The following KCND2 variants were observed in gnomAD, a reference collection of about 807,000 sequenced individuals.
The protein encoded by KCND2 is A-type voltage-gated potassium channel KCND2.
KCND2 carries 16 observed loss-of-function variants against 54.4 expected under a neutral mutation model. The ratio of observed to expected loss-of-function variants is 0.29; its 90% CI spans 0.20 to 0.45. The LOEUF (loss-of-function observed/expected upper bound fraction) is 0.45. Ranked by LOEUF, KCND2 falls within the 20% of genes least tolerant of loss-of-function variation. The pLI, the probability that KCND2 is intolerant of heterozygous loss-of-function variation, is 1.00. For synonymous variants in KCND2, 317 were observed against 310.7 expected (o/e 1.02, Z -0.21); for missense variants, 486 against 824.2 (o/e 0.59, Z 5.02).
chr7:120,602,137 T>C (rs1169267925), intron 1 of KCND2, among the ~76,000 whole-genome samples: 2 of 152,180 alleles, frequency 1.3e-5, no homozygotes, highest in Non-Finnish European at 2.9e-5. Context: ...CAGATGTAAA[T>C]AGTAAAGTCA....
intron 1 of KCND2, among the ~76,000 whole-genome samples, chr7:120,351,244 G>GTATATATATATATATATATATATA (rs3067025): frequency 4.4e-5 from 6 of 137,350 alleles, no homozygotes; most frequent in African/African-American, 1.4e-4. Context: ...TTATATGTGT[G>GTATATATATATATATATATATATA]TATATATATA....
intron 1 of KCND2, among the ~76,000 whole-genome samples, chr7:120,577,940 C>T (rs1325210907): frequency 1.3e-5 from 2 of 152,048 alleles, no homozygotes; most frequent in Non-Finnish European, 2.9e-5. Flanking sequence ...GCAGTTCACA[C>T]CTGTAATCCT....
intron 1 of KCND2, among the ~76,000 whole-genome samples, chr7:120,668,714 A>G (rs953401388): frequency 2.0e-5 from 3 of 152,080 alleles, no homozygotes; most frequent in Non-Finnish European, 4.4e-5. Context: ...ATTATTAAGA[A>G]GAAATATAAG....
chr7:120,465,471 A>G (rs1344762462), intron 1 of KCND2, among the ~76,000 whole-genome samples: 1 of 152,114 alleles, frequency 6.6e-6, no homozygotes, highest in Non-Finnish European at 1.5e-5. Context: ...AATATTTGTC[A>G]AGTAACTAGA....
At chr7:120,705,463 A>G (rs1282906329) in intron 1 of KCND2, among the ~76,000 whole-genome samples, 1 of 152,172 alleles carries the variant, frequency 6.6e-6, no homozygotes, top group Non-Finnish European at 1.5e-5. Context: ...CTTTCCAGTT[A>G]TGTGACCTTT....
At chr7:120,639,258 T>C (rs1209804331) in intron 1 of KCND2, among the ~76,000 whole-genome samples, 3 of 152,172 alleles carry the variant, frequency 2.0e-5, no homozygotes, top group African/African-American at 7.2e-5. Flanking sequence ...TGAAAAAGAA[T>C]ACCTCTGAAA....
intron 1 of KCND2, among the ~76,000 whole-genome samples, chr7:120,466,732 A>C (rs1386954889): frequency 6.6e-6 from 1 of 152,150 alleles, no homozygotes; most frequent in African/African-American, 2.4e-5. Flanking sequence ...TTAGTGCTTA[A>C]AACACAAATT....
chr7:120,519,474 T>C (rs802362), intron 1 of KCND2, among the ~76,000 whole-genome samples: 10,088 of 152,200 alleles, frequency 0.066, 879 homozygotes, highest in East Asian at 0.45. Context: ...ACAACCTGTC[T>C]GAGCTTGGGA....
At chr7:120,593,685 G>A (rs984816864) in intron 1 of KCND2, among the ~76,000 whole-genome samples, 8 of 151,906 alleles carry the variant, frequency 5.3e-5, no homozygotes, top group African/African-American at 1.9e-4. Flanking sequence ...ATATATAAAC[G>A]ACCATGCATA....
At chr7:120,351,451 A>G (rs1459161697) in intron 1 of KCND2, among the ~76,000 whole-genome samples, 1 of 149,214 alleles carries the variant, frequency 6.7e-6, no homozygotes, top group Non-Finnish European at 1.5e-5. Context: ...GCAAGGTTAT[A>G]ATCATTACAG....
intron 1 of KCND2, among the ~76,000 whole-genome samples, chr7:120,385,289 G>A (rs1362886717): frequency 6.6e-6 from 1 of 151,636 alleles, no homozygotes; most frequent in Non-Finnish European, 1.5e-5. Flanking sequence ...CACCATGCCC[G>A]GCCCATTTGT....
At chr7:120,478,310 G>A (rs1047394164) in intron 1 of KCND2, among the ~76,000 whole-genome samples, 7 of 151,840 alleles carry the variant, frequency 4.6e-5, no homozygotes, top group Non-Finnish European at 7.4e-5. Context: ...GTCCTTTATC[G>A]CCCATAAATT....
At chr7:120,668,344 G>C (rs1014988406) in intron 1 of KCND2, among the ~76,000 whole-genome samples, 1 of 152,124 alleles carries the variant, frequency 6.6e-6, no homozygotes, top group African/African-American at 2.4e-5. Context: ...ATTTCACTAA[G>C]TCGTGAGCTG....
Position 120,273,996 on chromosome 7 carries a change from C to T in KCND2, c.-637C>T, listed in dbSNP as rs565742370. The T allele has an allele frequency of 5.1e-4, 79 of 155,914 alleles. 2 individuals are homozygous for T. In the South Asian group the frequency reaches 5.7e-3, roughly 11 times the overall value. 9.7% of individuals were successfully genotyped at this position (155,914 alleles called of 1,614,324 possible). On this transcript the variant is annotated 5_prime_UTR_variant, in exon 1 of 6. Transcript: ENST00000331113. ...CCCCCACCGTAACCACTGCACATCA[C>T]CTCCATCTCTGCAAATACAGCCCGA...
intron 1 of KCND2, among the ~76,000 whole-genome samples, chr7:120,659,007 T>G (rs1294819833): frequency 6.6e-6 from 1 of 152,186 alleles, no homozygotes; most frequent in Non-Finnish European, 1.5e-5. Context: ...CTTCCTAACT[T>G]TATACATAAC....
intron 1 of KCND2, among the ~76,000 whole-genome samples, chr7:120,330,716 A>G (rs1034608605): frequency 6.6e-6 from 1 of 152,034 alleles, no homozygotes; most frequent in Non-Finnish European, 1.5e-5. Flanking sequence ...CCATTAGTCT[A>G]TCAAAGGCAA....
chr7:120,463,940 T>C, intron 1 of KCND2: 6 of 386,896 alleles, frequency 1.6e-5, no homozygotes, highest in Non-Finnish European at 2.1e-5. Context: ...GATAGATAGA[T>C]AGATCGACAG....
At chr7:120,724,031 A>T (rs1792701467) in intron 1 of KCND2, among the ~76,000 whole-genome samples, 1 of 152,184 alleles carries the variant, frequency 6.6e-6, no homozygotes, top group Non-Finnish European at 1.5e-5. Context: ...GTTCAGGAAA[A>T]AAAGAGGAAG....
At chr7:120,384,998 C>CTTTTTTTT (rs372225817) in intron 1 of KCND2, among the ~76,000 whole-genome samples, 19 of 82,526 alleles carry the variant, frequency 2.3e-4, no homozygotes, top group Non-Finnish European at 3.4e-4. Flanking sequence ...TTGTATATAA[C>CTTTTTTTT]TTTTTTTTTT....
Sources: allele counts gnomAD v4.1 joint callset (sites outside exome capture counted in the v4.1 genomes callset), GRCh38; gene constraint gnomAD v4.1.1; transcripts MANE v1.5; gene names NCBI Gene and HGNC (gene_info 2026-07-23, HGNC 2026-07-21).